The following SNX24 variants were observed in gnomAD, a reference collection of about 807,000 sequenced individuals.
The protein encoded by SNX24 is sorting nexin-24.
Under a neutral mutation model 28.7 loss-of-function variants are expected in SNX24, and 22 were observed. The ratio of observed to expected loss-of-function variants is 0.77; its 90% CI spans 0.55 to 1.10. SNX24 has a LOEUF of 1.10. Ranked by LOEUF, SNX24 falls within the 50% of genes least tolerant of loss-of-function variation. The pLI is 0.00. For synonymous variants in SNX24, 69 were observed against 71.5 expected, an observed-to-expected ratio of 0.96 and a Z score of 0.18; for missense variants, 221 against 201.1, an observed-to-expected ratio of 1.10 and a Z score of -0.60.
At chr5:122,951,431 C>T (rs1271754664) in intron 3 of SNX24, among the ~76,000 whole-genome samples, 1 of 151,880 alleles carries the variant, frequency 6.6e-6, no homozygotes, top group Non-Finnish European at 1.5e-5. Context: ...ATTTTAATTA[C>T]CAATGAAGTT....
At chr5:122,911,168 G>A (rs948624159) in intron 1 of SNX24, among the ~76,000 whole-genome samples, 7 of 152,204 alleles carry the variant, frequency 4.6e-5, no homozygotes, top group East Asian at 1.9e-4. Flanking sequence ...ATTCTAACTG[G>A]AGTGAGATGG....
At chr5:123,020,100 C>T (rs551870677) in intron 5 of SNX24, among the ~76,000 whole-genome samples, 141 of 152,336 alleles carry the variant, frequency 9.3e-4, no homozygotes, top group African/African-American at 3.2e-3. Context: ...GCATGTATCG[C>T]GTAAAGCGCA....
intron 3 of SNX24, among the ~76,000 whole-genome samples, chr5:122,954,059 G>A (rs1760085634): frequency 6.6e-6 from 1 of 152,004 alleles, no homozygotes; most frequent in Non-Finnish European, 1.5e-5. Context: ...GTACCGTTGG[G>A]TCAGTAGTCC....
At chr5:122,888,412 C>T (rs907268046) in intron 1 of SNX24, among the ~76,000 whole-genome samples, 1 of 151,970 alleles carries the variant, frequency 6.6e-6, no homozygotes, top group Non-Finnish European at 1.5e-5. Context: ...TTGTCTTGGG[C>T]ATATTATTTA....
intron 3 of SNX24, among the ~76,000 whole-genome samples, chr5:122,961,866 T>A (rs1226918148): frequency 1.3e-5 from 2 of 152,212 alleles, no homozygotes; most frequent in Non-Finnish European, 2.9e-5. Flanking sequence ...TAACTACTTA[T>A]TTAGGATTTA....
At chr5:122,946,979 C>CT (rs1759715191) in intron 3 of SNX24, among the ~76,000 whole-genome samples, 1 of 152,176 alleles carries the variant, frequency 6.6e-6, no homozygotes, top group South Asian at 2.1e-4. Context: ...ACTAACCCAT[C>CT]TTGGTAAGGG....
At chr5:122,995,309 T>A (rs1340171277) in intron 3 of SNX24, among the ~76,000 whole-genome samples, 1 of 152,246 alleles carries the variant, frequency 6.6e-6, no homozygotes, top group African/African-American at 2.4e-5. Context: ...AACAGTTAGT[T>A]AACTTAAAAG....
At chr5:122,952,321 T>A (rs537216704) in intron 3 of SNX24, among the ~76,000 whole-genome samples, 10 of 152,220 alleles carry the variant, frequency 6.6e-5, no homozygotes, top group South Asian at 4.1e-4. Flanking sequence ...ATGAATTTTT[T>A]AAAAAAAGAA....
chr5:122,923,619 T>C (rs1758543020), intron 1 of SNX24, among the ~76,000 whole-genome samples: 1 of 152,216 alleles, frequency 6.6e-6, no homozygotes. Context: ...TCTCCACTTC[T>C]TGTTTTCCCA....
At chr5:123,012,208 C>A (rs1762595389), downstream of SNX24, among the ~76,000 whole-genome samples, 1 of 152,162 alleles carries the variant, frequency 6.6e-6, no homozygotes, top group South Asian at 2.1e-4. Flanking sequence ...TTATAAATTA[C>A]CCACTCTCGG....
chr5:123,025,875 T>C, intron 5 of SNX24: 1 of 1,614,140 alleles, frequency 6.2e-7, no homozygotes, highest in Non-Finnish European at 8.5e-7. Flanking sequence ...GCCATTGGTG[T>C]CAGGCCCAGC....
intron 3 of SNX24, among the ~76,000 whole-genome samples, chr5:122,967,510 A>G (rs1411134608): frequency 6.6e-6 from 1 of 152,190 alleles, no homozygotes; most frequent in Non-Finnish European, 1.5e-5. Context: ...TGGACCATGT[A>G]CAATGATCCC....
intron 6 of SNX24, among the ~76,000 whole-genome samples, chr5:123,002,425 G>T (rs1405807971): frequency 6.6e-6 from 1 of 152,164 alleles, no homozygotes; most frequent in African/African-American, 2.4e-5. Context: ...GAGGTCAGGA[G>T]ATGGAAACCA....
At chr5:122,957,521 A>AT (rs1014884347) in intron 3 of SNX24, among the ~76,000 whole-genome samples, 1 of 152,066 alleles carries the variant, frequency 6.6e-6, no homozygotes, top group East Asian at 1.9e-4. Flanking sequence ...GTTTCATATG[A>AT]TTTTTTGAAT....
chr5:123,019,409 C>A (rs910381336), intron 5 of SNX24, among the ~76,000 whole-genome samples: 1 of 152,050 alleles, frequency 6.6e-6, no homozygotes, highest in Admixed American at 6.5e-5. Context: ...CATTTTCCTG[C>A]TGTAAAATCC....
chr5:122,904,641 A>G (rs1432093371), intron 1 of SNX24, among the ~76,000 whole-genome samples: 1 of 152,076 alleles, frequency 6.6e-6, no homozygotes, highest in Non-Finnish European at 1.5e-5. Context: ...CTTTTTCTGT[A>G]TTTTATAGAC....
At chr5:122,969,620 T>C (rs527317572) in intron 3 of SNX24, among the ~76,000 whole-genome samples, 2 of 152,282 alleles carry the variant, frequency 1.3e-5, no homozygotes, top group South Asian at 4.1e-4. Flanking sequence ...ATTTCTTTTT[T>C]TATCTCTCAT....
intron 1 of SNX24, among the ~76,000 whole-genome samples, chr5:122,847,052 G>GT (rs1754671789): frequency 6.6e-6 from 1 of 150,764 alleles, no homozygotes; most frequent in Non-Finnish European, 1.5e-5. Flanking sequence ...TCTCCCATCA[G>GT]CACTATCAAC....
At chr5:122,904,773 A>C (rs930819535) in intron 1 of SNX24, among the ~76,000 whole-genome samples, 1 of 152,210 alleles carries the variant, frequency 6.6e-6, no homozygotes, top group African/African-American at 2.4e-5. Flanking sequence ...AACGTTTCAC[A>C]TTGATAATAA....
Sources: allele counts gnomAD v4.1 joint callset (sites outside exome capture counted in the v4.1 genomes callset), GRCh38; gene constraint gnomAD v4.1.1; transcripts MANE v1.5; gene names NCBI Gene and HGNC (gene_info 2026-07-23, HGNC 2026-07-21).